PKP4: variants seen among roughly 807,000 people sequenced by gnomAD.
PKP4 encodes plakophilin 4.
In PKP4, 90 loss-of-function variants were observed where a neutral mutation model predicts 145.1. The observed-to-expected ratio is 0.62, with a 90% CI of 0.52 to 0.74. PKP4 has a LOEUF of 0.74. Ranked by LOEUF, PKP4 falls within the 30% of genes least tolerant of loss-of-function variation. PKP4 has a pLI of 0.00. For synonymous variants in PKP4, 563 were observed against 577.2 expected (o/e 0.98, Z 0.35); for missense variants, 1,340 against 1,482.7 (o/e 0.90, Z 1.58).
chr2:158,596,350 T>G (rs1176438916), intron 3 of PKP4, among the ~76,000 whole-genome samples: 5 of 152,144 alleles, frequency 3.3e-5, no homozygotes, highest in Admixed American at 3.3e-4. Context: ...ATAATTAATA[T>G]GTACAGAAAT....
chr2:158,520,946 A>G (rs1304766878), intron 1 of PKP4, among the ~76,000 whole-genome samples: 1 of 152,258 alleles, frequency 6.6e-6, no homozygotes, highest in Non-Finnish European at 1.5e-5. Flanking sequence ...AGTGAAACAC[A>G]TTGAATGAAT....
At chr2:158,630,635 C>G (rs2053256365) in intron 7 of PKP4, among the ~76,000 whole-genome samples, 1 of 152,216 alleles carries the variant, frequency 6.6e-6, no homozygotes, top group African/African-American at 2.4e-5. Context: ...TATAGGCGTT[C>G]TCTTAGATGT....
chr2:158,669,309 T>C (rs2057367816), intron 16 of PKP4: 1 of 153,332 alleles, frequency 6.5e-6, no homozygotes, highest in African/African-American at 2.4e-5. Context: ...AAAGGTAAGT[T>C]TTAAAAAGCT....
intron 3 of PKP4, among the ~76,000 whole-genome samples, chr2:158,599,961 T>C (rs914526147): frequency 2.0e-5 from 3 of 152,200 alleles, no homozygotes; most frequent in Non-Finnish European, 4.4e-5. Flanking sequence ...CAGCTGTCAA[T>C]GTCCAACAAA....
chr2:158,592,160 A>G (rs142110029), intron 3 of PKP4, among the ~76,000 whole-genome samples: 3 of 152,088 alleles, frequency 2.0e-5, no homozygotes, highest in African/African-American at 7.2e-5. Flanking sequence ...TCATTCCCCT[A>G]CAGCAGTAGT....
At chr2:158,579,443 G>GT (rs1176876783) in intron 3 of PKP4, among the ~76,000 whole-genome samples, 7 of 132,226 alleles carry the variant, frequency 5.3e-5, no homozygotes, top group African/African-American at 1.8e-4. Context: ...TTCTGATTTT[G>GT]TAAAAAAAAA....
At chr2:158,661,803 T>C in intron 13 of PKP4, 1 of 195,378 alleles carries the variant, frequency 5.1e-6, no homozygotes, top group Non-Finnish European at 1.1e-5. Context: ...AGTTCCTGGT[T>C]GAGGCACTGT....
intron 4 of PKP4, among the ~76,000 whole-genome samples, chr2:158,613,636 A>T (rs1341222788): frequency 6.6e-6 from 1 of 152,236 alleles, no homozygotes; most frequent in Non-Finnish European, 1.5e-5. Flanking sequence ...ACCAAGGCTG[A>T]GAACCATCGC....
intron 4 of PKP4, among the ~76,000 whole-genome samples, chr2:158,617,430 T>G (rs1028538990): frequency 6.6e-6 from 1 of 152,204 alleles, no homozygotes; most frequent in South Asian, 2.1e-4. Context: ...TGATTTCTTA[T>G]GCTAATTGTG....
At chr2:158,651,816 G>A (rs578028708) in intron 11 of PKP4, among the ~76,000 whole-genome samples, 18 of 152,102 alleles carry the variant, frequency 1.2e-4, no homozygotes, top group Middle Eastern at 3.4e-3. Flanking sequence ...CAGTGTCCCC[G>A]GCAATGACAC....
At chr2:158,528,871 T>A (rs1356710164) in intron 1 of PKP4, among the ~76,000 whole-genome samples, 2 of 152,138 alleles carry the variant, frequency 1.3e-5, no homozygotes, top group Non-Finnish European at 2.9e-5. Flanking sequence ...AAAGCCCAGG[T>A]CCTGGCTTTC....
chr2:158,680,483 T>C lies in PKP4; in HGVS notation c.3385T>C (p.Tyr1129His). 6.2e-7 allele frequency: 1 copy of C among 1,613,166 alleles called. No homozygotes were observed. The highest frequency in any genetic ancestry group is 8.5e-7 in the Non-Finnish European group (1 of 1,179,092). ...CTCCAACAGAAAGAACTTTGATGCA[T>C]ACAGATTGTATTTGCAGTCTCCTCA... ...DDSNRKNFDA[Y>H]RLYLQSPHSY... is the part of the protein sequence containing the mutation. Residue 1129 changes from tyrosine to histidine, a missense_variant, in exon 22 of 22, where the codon TAC becomes CAC. Transcript: ENST00000389759.
chr2:158,661,575 A>T (rs2056585699), intron 13 of PKP4, 125 bp downstream of exon 13: 8 of 656,138 alleles, frequency 1.2e-5, no homozygotes, highest in South Asian at 1.2e-4. Flanking sequence ...GCCACTCTCC[A>T]GATCAAAGGG....
chr2:158,550,770 A>G (rs982303749), intron 2 of PKP4, among the ~76,000 whole-genome samples: 4 of 152,242 alleles, frequency 2.6e-5, no homozygotes, highest in Non-Finnish European at 4.4e-5. Flanking sequence ...AGGATTGGAC[A>G]TTTATTGATT....
chr2:158,621,533 G>T, intron 6 of PKP4, 112 bp downstream of exon 6: 1 of 809,152 alleles, frequency 1.2e-6, no homozygotes, highest in Non-Finnish European at 2.0e-6. Context: ...ATCACCTGAG[G>T]TCAGGAGTTC....
At chr2:158,495,074 C>T (rs917230271) in intron 1 of PKP4, among the ~76,000 whole-genome samples, 6 of 151,642 alleles carry the variant, frequency 4.0e-5, no homozygotes, top group South Asian at 2.1e-4. Context: ...AAAAATTAGC[C>T]GGGCACGGTG....
chr2:158,575,151 T>C (rs12473797), intron 2 of PKP4, among the ~76,000 whole-genome samples: 78,342 of 152,110 alleles, frequency 0.52, 20,549 homozygotes, highest in South Asian at 0.69. Context: ...GAAACTATTG[T>C]TATAGCCACC....
At chr2:158,675,155 A>G (rs1386393744) in intron 19 of PKP4, among the ~76,000 whole-genome samples, 3 of 152,198 alleles carry the variant, frequency 2.0e-5, no homozygotes, top group African/African-American at 7.2e-5. Flanking sequence ...GGAAATTAAG[A>G]TGTGTGGCTC....
chr2:158,523,200 AG>A (rs2042580632), intron 1 of PKP4, among the ~76,000 whole-genome samples: 3 of 120,614 alleles, frequency 2.5e-5, no homozygotes, highest in Non-Finnish European at 6.1e-5. Context: ...ACAAAAAGAC[AG>A]CAGTAACCTC....
Sources: gnomAD v4.1 joint callset for allele counts (sites outside exome capture counted in the v4.1 genomes callset) on GRCh38, gnomAD v4.1.1 for gene constraint, MANE v1.5 for transcripts, NCBI Gene and HGNC (gene_info 2026-07-23, HGNC 2026-07-21) for gene names.